RABGAP1L: variants seen among roughly 807,000 people sequenced by gnomAD.
RABGAP1L encodes RAB GTPase activating protein 1 like, also known as rab GTPase-activating protein 1-like.
In RABGAP1L, 63 loss-of-function variants were observed where a neutral mutation model predicts 137.7. That is an observed-to-expected ratio of 0.46 (90% CI 0.37 to 0.56). The LOEUF is 0.56. Ranked by LOEUF, RABGAP1L falls within the 20% of genes least tolerant of loss-of-function variation. The probability of loss-of-function intolerance (pLI) is 0.00; values close to 1 mark genes in which losing one functional copy is unlikely to be tolerated. For missense variants in RABGAP1L, 1,095 were observed against 1,244.0 expected (o/e 0.88, Z 1.80); for synonymous variants, 431 against 433.7 (o/e 0.99, Z 0.08).
At chr1:174,928,822 A>C (rs976232566) in intron 19 of RABGAP1L, among the ~76,000 whole-genome samples, 2 of 152,138 alleles carry the variant, frequency 1.3e-5, no homozygotes, top group Non-Finnish European at 2.9e-5. Flanking sequence ...AGTGCTGGGA[A>C]CTAGTTAGAT....
At chr1:174,526,325 G>A (rs2147866686) in intron 13 of RABGAP1L, among the ~76,000 whole-genome samples, 1 of 152,166 alleles carries the variant, frequency 6.6e-6, no homozygotes, top group South Asian at 2.1e-4. Context: ...GTCCTTGTCT[G>A]GTTTTGGTAT....
chr1:174,664,402 A>G (rs946947875), intron 14 of RABGAP1L, among the ~76,000 whole-genome samples: 8 of 152,210 alleles, frequency 5.3e-5, no homozygotes, highest in African/African-American at 1.2e-4. Context: ...TGTGTCTTCA[A>G]TATATTTATA....
intron 13 of RABGAP1L, among the ~76,000 whole-genome samples, chr1:174,563,817 T>A (rs1250772587): frequency 2.0e-5 from 3 of 151,898 alleles, no homozygotes; most frequent in African/African-American, 7.2e-5. Context: ...AATGAATGAA[T>A]GGGGGGAAAG....
chr1:174,171,068 A>G (rs12079274), intron 1 of RABGAP1L, among the ~76,000 whole-genome samples: 9,690 of 152,204 alleles, frequency 0.064, 1,001 homozygotes, highest in African/African-American at 0.22. Flanking sequence ...AAATGTAGGG[A>G]TGTATTATAA....
At chr1:174,196,238 T>G (rs1005521504) in intron 1 of RABGAP1L, among the ~76,000 whole-genome samples, 2 of 151,242 alleles carry the variant, frequency 1.3e-5, no homozygotes, top group African/African-American at 2.4e-5. Context: ...TTTTTTTTTT[T>G]TTTGAGACTG....
chr1:174,274,606 C>CTG (rs61468070), intron 8 of RABGAP1L, among the ~76,000 whole-genome samples: 9,754 of 146,078 alleles, frequency 0.067, 391 homozygotes, highest in African/African-American at 0.12. Flanking sequence ...ACAGGTGACT[C>CTG]TGTGTGTGTG....
chr1:174,539,754 C>T lies in RABGAP1L; in HGVS notation c.1711-97621C>T, dbSNP rs563680849. On this transcript the variant is annotated intron_variant, in intron 13 of 25. Transcript: ENST00000681986. ...TGTGAATAGTGCCACAATAAACATA[C>T]GTATGCATGTGTCTTTATAACAGCA... Among the ~76,000 whole-genome samples the T allele has an allele frequency of 2.2e-4, 33 of 152,272 alleles. No homozygotes were observed. In the East Asian group the frequency reaches 2.9e-3, roughly 13 times the overall value.
intron 13 of RABGAP1L, among the ~76,000 whole-genome samples, chr1:174,418,970 G>A (rs1218388249): frequency 3.3e-5 from 5 of 152,036 alleles, no homozygotes; most frequent in African/African-American, 9.7e-5. Context: ...CCTAGGAGGT[G>A]GAGGTTGCAG....
At chr1:174,663,613 C>T (rs940561050) in intron 14 of RABGAP1L, among the ~76,000 whole-genome samples, 1 of 152,162 alleles carries the variant, frequency 6.6e-6, no homozygotes, top group African/African-American at 2.4e-5. Flanking sequence ...CATACACACA[C>T]GTGGTTGATC....
intron 13 of RABGAP1L, among the ~76,000 whole-genome samples, chr1:174,635,525 C>T (rs893490256): frequency 6.6e-6 from 1 of 152,066 alleles, no homozygotes; most frequent in Non-Finnish European, 1.5e-5. Context: ...TTATACTTAC[C>T]TTATTCTATA....
At chr1:174,254,273 A>C (rs1672939785) in intron 7 of RABGAP1L, among the ~76,000 whole-genome samples, 1 of 152,148 alleles carries the variant, frequency 6.6e-6, no homozygotes, top group South Asian at 2.1e-4. Flanking sequence ...TTTAAGATGC[A>C]TGTGTTTTCA....
At chr1:174,269,993 G>T (rs1028143272) in intron 7 of RABGAP1L, among the ~76,000 whole-genome samples, 39 of 152,172 alleles carry the variant, frequency 2.6e-4, no homozygotes, top group Non-Finnish European at 3.1e-4. Flanking sequence ...ATTCCTAATA[G>T]ATCTTGCTGG....
intron 14 of RABGAP1L, among the ~76,000 whole-genome samples, chr1:174,646,706 C>T (rs1021776972): frequency 6.6e-6 from 1 of 152,054 alleles, no homozygotes. Context: ...TTTCTTGGTT[C>T]CACATGAGAA....
At chr1:174,852,302 T>C (rs1357139814) in intron 19 of RABGAP1L, among the ~76,000 whole-genome samples, 1 of 152,192 alleles carries the variant, frequency 6.6e-6, no homozygotes, top group East Asian at 1.9e-4. Context: ...ACAGAAATGC[T>C]GCAAGTCAGC....
At chr1:174,646,370 T>G (rs1386727290) in intron 14 of RABGAP1L, among the ~76,000 whole-genome samples, 1 of 152,164 alleles carries the variant, frequency 6.6e-6, no homozygotes. Context: ...CTTTAATCCA[T>G]CTTGAGTTAA....
chr1:174,212,601 C>T, intron 1 of RABGAP1L, among the ~76,000 whole-genome samples: 1 of 151,420 alleles, frequency 6.6e-6, no homozygotes, highest in East Asian at 1.9e-4. Context: ...AGAAAAACTT[C>T]AAGTAAGCGA....
intron 13 of RABGAP1L, among the ~76,000 whole-genome samples, chr1:174,575,448 T>C (rs1668302116): frequency 6.6e-6 from 1 of 152,192 alleles, no homozygotes. Flanking sequence ...AGGAACCTCA[T>C]TCCATCCCCA....
At chr1:174,426,521 C>A (rs1312222042) in intron 13 of RABGAP1L, among the ~76,000 whole-genome samples, 1 of 151,890 alleles carries the variant, frequency 6.6e-6, no homozygotes, top group Non-Finnish European at 1.5e-5. Flanking sequence ...GGAGTTGAGA[C>A]CCCAAGATCT....
chr1:174,429,434 C>T (rs1652333971), intron 13 of RABGAP1L, among the ~76,000 whole-genome samples: 1 of 152,166 alleles, frequency 6.6e-6, no homozygotes, highest in Admixed American at 6.5e-5. Flanking sequence ...GTCTTCTTTA[C>T]TAGCTCATAA....
Sources: allele counts gnomAD v4.1 joint callset (sites outside exome capture counted in the v4.1 genomes callset), GRCh38; gene constraint gnomAD v4.1.1; transcripts MANE v1.5; gene names NCBI Gene and HGNC (gene_info 2026-07-23, HGNC 2026-07-21).